The following DTX4 variants were observed in gnomAD, a reference collection of about 807,000 sequenced individuals.
DTX4 encodes the protein E3 ubiquitin-protein ligase DTX4.
In DTX4, 28 loss-of-function variants were observed where a neutral mutation model predicts 57.6. That is an observed-to-expected ratio of 0.49 (90% CI 0.36 to 0.67). The LOEUF (loss-of-function observed/expected upper bound fraction) is 0.67. DTX4 is among the 30% of genes least tolerant of loss of function. The pLI, the probability that DTX4 is intolerant of heterozygous loss-of-function variation, is 0.00. For synonymous variants in DTX4, 316 were observed against 331.0 expected, an observed-to-expected ratio of 0.95 and a Z score of 0.49; for missense variants, 715 against 836.8, an observed-to-expected ratio of 0.85 and a Z score of 1.80.
chr11:59,171,603 G>A (rs1020674877), upstream of DTX4: 1 of 152,284 alleles, frequency 6.6e-6, no homozygotes, highest in African/African-American at 2.4e-5. Context: ...CCAGCAGGGG[G>A]CGGGTAAGCT....
chr11:59,177,047 C>T (rs975094704), intron 1 of DTX4, among the ~76,000 whole-genome samples: 1 of 152,208 alleles, frequency 6.6e-6, no homozygotes, highest in Non-Finnish European at 1.5e-5. Context: ...CCCTCCAAAA[C>T]CAGCTCTTCC....
At chr11:59,179,941 C>CAT (rs1862443531) in intron 1 of DTX4, among the ~76,000 whole-genome samples, 1 of 149,174 alleles carries the variant, frequency 6.7e-6, no homozygotes, top group African/African-American at 2.4e-5. Flanking sequence ...CACACACACA[C>CAT]CCTCACACAC....
In DTX4 at chr11:59,172,807, G is replaced by A. The variant is rs1862345045; in HGVS notation, c.211+1G>A. On this transcript the variant is annotated splice_donor_variant, in intron 1 of 8. Coordinates refer to ENST00000227451, the MANE Select transcript of DTX4 (RefSeq NM_015177.2). LOFTEE classifies it high-confidence loss of function. ...ATGAACCAGTTCCGCCAAGACACGGGTGAGCCAGCCGCCCCTGACCCCGCC... is the reference window on the plus strand; with the variant it reads ...ATGAACCAGTTCCGCCAAGACACGGATGAGCCAGCCGCCCCTGACCCCGCC... The A allele has an allele frequency of 1.9e-6, 3 of 1,551,330 alleles. No individual in the cohort carries two copies. Among genetic ancestry groups the A allele is most frequent in the Non-Finnish European group, 2.6e-6 (3 of 1,148,276 alleles).
intron 8 of DTX4, 42 bp downstream of exon 8, chr11:59,199,815 G>A: frequency 6.6e-7 from 1 of 1,518,570 alleles, no homozygotes; most frequent in East Asian, 2.5e-5. Flanking sequence ...TTTTAGAATA[G>A]ATCGGGCAGT....
intron 7 of DTX4, 109 bp downstream of exon 7, chr11:59,195,478 G>A (rs977120379): frequency 2.2e-5 from 29 of 1,295,438 alleles, no homozygotes; most frequent in East Asian, 1.0e-4. Context: ...ACACTTTTCC[G>A]CCATCTACCC....
chr11:59,207,946 G>A lies in DTX4; in HGVS notation c.*3037G>A, dbSNP rs1290756462. 6.6e-6 allele frequency: 1 copy of A among 152,270 alleles called. No individual in the cohort carries two copies. 9.4% of individuals were successfully genotyped at this position (152,270 alleles called of 1,614,324 possible). A position where few individuals can be genotyped will look rare whatever the true frequency, so the allele number is the denominator to read the frequency against. On this transcript the variant is annotated 3_prime_UTR_variant, in exon 9 of 9. Coordinates refer to ENST00000227451, the MANE Select transcript of DTX4 (RefSeq NM_015177.2). ...ACTGTTGTGTGCATGAGAAAACTGG[G>A]GGAAGGCTCACTGGTACAAGAAAGG...
chr11:59,188,545 CTG>C (rs1862556518), intron 2 of DTX4, among the ~76,000 whole-genome samples, 188 bp from the exon 3 acceptor site: 1 of 152,198 alleles, frequency 6.6e-6, no homozygotes, highest in Non-Finnish European at 1.5e-5. Context: ...AACTTTGACT[CTG>C]AGTGAACTGA....
chr11:59,186,177 T>C (rs954955921), intron 2 of DTX4, among the ~76,000 whole-genome samples: 1 of 152,210 alleles, frequency 6.6e-6, no homozygotes, highest in African/African-American at 2.4e-5. Flanking sequence ...CTCCCACCTG[T>C]TGAACCCATA....
At chr11:59,192,821 A>C (rs2135522081) in intron 6 of DTX4, among the ~76,000 whole-genome samples, 1 of 152,300 alleles carries the variant, frequency 6.6e-6, no homozygotes, top group East Asian at 1.9e-4. Flanking sequence ...GAAGAGGGGA[A>C]GGCTGTTTGG....
chr11:59,188,698 G>A, intron 2 of DTX4, 37 bp from the exon 3 acceptor site: 1 of 1,572,208 alleles, frequency 6.4e-7, no homozygotes. Flanking sequence ...TGTTCCACGT[G>A]TCAAAATGAC....
At position 59,172,805 on chromosome 11, in the gene DTX4, G is replaced by T. The variant is rs12796683; in HGVS notation, c.210G>T (p.Thr70=). 0.23 allele frequency: 363,333 copies of T among 1,555,970 alleles called. 44,135 individuals are homozygous for T. The highest frequency in any genetic ancestry group is 0.37 in the Admixed American group (19,975 of 54,406). ...CCATGAACCAGTTCCGCCAAGACAC[G>T]GGTGAGCCAGCCGCCCCTGACCCCG... ...LQSMNQFRQD[T]GTLRPVRRNY... Residue 70 remains threonine, a splice_region_variant and synonymous_variant, in exon 1 of 9, where the codon ACG becomes ACT. Coordinates refer to ENST00000227451, the MANE Select transcript of DTX4 (RefSeq NM_015177.2).
In DTX4 at chr11:59,172,699, G is replaced by A. The variant is rs769011407; in HGVS notation, c.104G>A (p.Arg35His). 1.0e-5 allele frequency: 16 copies of A among 1,600,684 alleles called. No individual in the cohort carries two copies. In the African/African-American group the frequency reaches 2.1e-4, roughly 22 times the overall value. The change falls in exon 1 of 9, where the codon CGC (arginine) becomes CAC (histidine). Residue 35 changes from arginine to histidine, a missense_variant. Physicochemically the swap from Arg to His is conservative, Grantham distance 29. Transcript: ENST00000227451. ...AGCCACCACATCGAGGCGGTGGTCC[G>A]CGCCGGCCCCCGCGCGGGGGGCAGC... The part of the protein sequence containing the change: ...AVSHHIEAVV[R>H]AGPRAGGSVV...
rs894093763 is a variant in DTX4 at position 59,208,340 on chromosome 11, C to T, written c.*3431C>T. 2 of 123,350 alleles carry T rather than the reference C, an allele frequency of 1.6e-5. No individual in the cohort carries two copies. Among genetic ancestry groups the T allele is most frequent in the African/African-American group, 5.7e-5 (2 of 34,930 alleles). The allele number at this position is 123,350 out of a possible 1,614,324, so 7.6% of individuals were successfully genotyped here. ...AAATTTTCCACATATTACCCACCCACACATTTGACCTGGCTAGACTTTGTT... is the reference window on the plus strand; with the variant it reads ...AAATTTTCCACATATTACCCACCCATACATTTGACCTGGCTAGACTTTGTT... On this transcript the variant is annotated 3_prime_UTR_variant, in exon 9 of 9. Coordinates refer to ENST00000227451, the MANE Select transcript of DTX4 (RefSeq NM_015177.2).
At chr11:59,180,200 C>T (rs1862446196) in intron 1 of DTX4, among the ~76,000 whole-genome samples, 1 of 152,092 alleles carries the variant, frequency 6.6e-6, no homozygotes, top group African/African-American at 2.4e-5. Context: ...CCTATTGGCC[C>T]CAAAGCCCAT....
At chr11:59,197,932 G>A (rs1244035492) in intron 7 of DTX4, among the ~76,000 whole-genome samples, 1 of 152,164 alleles carries the variant, frequency 6.6e-6, no homozygotes, top group Admixed American at 6.5e-5. Flanking sequence ...GATACAGGTG[G>A]TGCATGCTGC....
chr11:59,198,098 C>T (rs138458717), intron 7 of DTX4, among the ~76,000 whole-genome samples: 5 of 152,204 alleles, frequency 3.3e-5, no homozygotes, highest in Admixed American at 2.0e-4. Context: ...CACAGGCATG[C>T]GCTTCTGTGA....
At chr11:59,184,792 G>A (rs1160792880) in intron 2 of DTX4, among the ~76,000 whole-genome samples, 1 of 152,126 alleles carries the variant, frequency 6.6e-6, no homozygotes, top group African/African-American at 2.4e-5. Context: ...TCTCTACTCT[G>A]TTTTCCTGAT....
At position 59,195,357 on chromosome 11, in the gene DTX4, C is replaced by T. The variant is rs765858980; in HGVS notation, c.1524C>T (p.Pro508=). 6 of 1,605,428 alleles carry T rather than the reference C, an allele frequency of 3.7e-6. No individual in the cohort carries two copies. The highest frequency in any genetic ancestry group is 2.7e-5 in the African/African-American group (2 of 74,696). Residue 508 remains proline (P), a synonymous_variant, in exon 7 of 9, where the codon CCC becomes CCT. Coordinates refer to ENST00000227451, the MANE Select transcript of DTX4 (RefSeq NM_015177.2). ...CKTIRIIYSI[P]PGIQGPEHPN... ...CCATCCGGATCATCTACAGCATCCC[C>T]CCCGGCATTCAGGTGAGCCTTTCTC...
chr11:59,190,498 G>A (rs1348486470), intron 4 of DTX4, among the ~76,000 whole-genome samples: 1 of 152,122 alleles, frequency 6.6e-6, no homozygotes, highest in Non-Finnish European at 1.5e-5. Context: ...CCTTCAGGTT[G>A]GGCTACCTTT....
Sources: allele counts gnomAD v4.1 joint callset (sites outside exome capture counted in the v4.1 genomes callset), GRCh38; gene constraint gnomAD v4.1.1; transcripts MANE v1.5; gene names NCBI Gene and HGNC (gene_info 2026-07-23, HGNC 2026-07-21).